TRPM3: variants seen among roughly 807,000 people sequenced by gnomAD.
TRPM3 encodes the protein transient receptor potential cation channel subfamily M member 3.
A neutral mutation model predicts 181.2 loss-of-function variants in TRPM3; 77 were observed. The ratio of observed to expected loss-of-function variants is 0.42; its 90% CI spans 0.35 to 0.51. TRPM3 has a LOEUF of 0.51. Among genes scored for constraint, TRPM3 ranks in the 20% least tolerant of loss-of-function variants. TRPM3 has a pLI of 0.01. For missense variants in TRPM3, 1,759 were observed against 2,196.7 expected (o/e 0.80, Z 3.98); for synonymous variants, 745 against 796.4 (o/e 0.94, Z 1.09).
At chr9:70,963,237 T>C (rs2097154632) in intron 1 of TRPM3, among the ~76,000 whole-genome samples, 1 of 152,240 alleles carries the variant, frequency 6.6e-6, no homozygotes, top group Non-Finnish European at 1.5e-5. Context: ...GGCAACTGGC[T>C]GGAAGCCAAG....
intron 1 of TRPM3, among the ~76,000 whole-genome samples, chr9:71,201,674 G>C (rs1398720921): frequency 6.6e-6 from 1 of 152,080 alleles, no homozygotes; most frequent in Non-Finnish European, 1.5e-5. Context: ...ATCGGCTCCT[G>C]AGGCTTCTGC....
intron 1 of TRPM3, among the ~76,000 whole-genome samples, chr9:70,875,851 G>A (rs1589454484): frequency 1.3e-5 from 2 of 152,022 alleles, no homozygotes; most frequent in East Asian, 3.9e-4. Context: ...CAATATAAGT[G>A]TAAGGTTATT....
At chr9:71,302,168 A>C (rs2086839351) in intron 1 of TRPM3, among the ~76,000 whole-genome samples, 1 of 147,008 alleles carries the variant, frequency 6.8e-6, no homozygotes, top group Non-Finnish European at 1.5e-5. Context: ...AGTTTAAAAA[A>C]TTTACACATT....
intron 1 of TRPM3, among the ~76,000 whole-genome samples, chr9:71,006,312 C>T (rs1217233223): frequency 6.6e-6 from 1 of 151,684 alleles, no homozygotes; most frequent in Non-Finnish European, 1.5e-5. Flanking sequence ...AAGCAAGCAA[C>T]AAAATGGCAG....
At chr9:70,748,975 C>T (rs1204983177) in intron 8 of TRPM3, among the ~76,000 whole-genome samples, 1 of 151,996 alleles carries the variant, frequency 6.6e-6, no homozygotes, top group African/African-American at 2.4e-5. Context: ...GCCCCAAACT[C>T]CCAGGCTTAA....
At chr9:70,572,754 A>G (rs1005264824) in intron 22 of TRPM3, among the ~76,000 whole-genome samples, 3 of 152,222 alleles carry the variant, frequency 2.0e-5, no homozygotes, top group African/African-American at 7.2e-5. Flanking sequence ...CTCACTGGTA[A>G]TGTTAACTTT....
At chr9:71,429,746 A>G (rs562465973) in intron 1 of TRPM3, among the ~76,000 whole-genome samples, 106 of 152,254 alleles carry the variant, frequency 7.0e-4, no homozygotes, top group African/African-American at 2.4e-3. Flanking sequence ...TCATAGATTG[A>G]GGGGAGCATT....
At chr9:71,432,353 A>G (rs1029288207) in intron 1 of TRPM3, among the ~76,000 whole-genome samples, 1 of 58,234 alleles carries the variant, frequency 1.7e-5, no homozygotes, top group Non-Finnish European at 3.6e-5. Context: ...TTTTTGGCTT[A>G]TCTCTGGTTC....
intron 6 of TRPM3, among the ~76,000 whole-genome samples, chr9:70,787,357 C>G (rs984024753): frequency 1.3e-5 from 2 of 152,112 alleles, no homozygotes; most frequent in Non-Finnish European, 2.9e-5. Context: ...TCCAAATTCT[C>G]TCTTATTTTT....
intron 1 of TRPM3, among the ~76,000 whole-genome samples, chr9:71,289,120 A>G (rs1017726193): frequency 6.6e-6 from 1 of 152,072 alleles, no homozygotes; most frequent in Non-Finnish European, 1.5e-5. Context: ...ACACACTTTA[A>G]CACTTAAAAA....
intron 1 of TRPM3, among the ~76,000 whole-genome samples, chr9:71,041,632 G>A (rs758765458): frequency 3.9e-5 from 6 of 152,252 alleles, no homozygotes; most frequent in East Asian, 1.9e-4. Flanking sequence ...ACTCAGGTAC[G>A]AGCCATTCAC....
Position 70,618,197 on chromosome 9 carries a change from A to G in TRPM3, c.2358+670T>C, listed in dbSNP as rs191490682. Among the ~76,000 whole-genome samples the G allele has an allele frequency of 5.2e-3, 790 of 152,284 alleles. 4 individuals are homozygous for G. The highest frequency in any genetic ancestry group is 0.023 in the South Asian group (113 of 4,824). ...TCCTATTTCCCTTAAAAACAGTAAC[A>G]TCTCTTTCACAGTCCATTCAACCTC... On this transcript the variant is annotated intron_variant, in intron 17 of 25. Transcript: ENST00000677713.
intron 6 of TRPM3, among the ~76,000 whole-genome samples, chr9:70,815,086 G>A (rs188462858): frequency 1.1e-3 from 174 of 151,740 alleles, no homozygotes; most frequent in African/African-American, 4.1e-3. Flanking sequence ...TGTCCTTTCA[G>A]GTATTTTTAT....
intron 1 of TRPM3, among the ~76,000 whole-genome samples, chr9:71,137,251 T>C (rs1032325935): frequency 1.3e-5 from 2 of 152,104 alleles, no homozygotes; most frequent in African/African-American, 4.8e-5. Context: ...TTCAAAAAAA[T>C]AAAGATTAAG....
intron 11 of TRPM3, among the ~76,000 whole-genome samples, chr9:70,635,548 G>T (rs184656546): frequency 1.6e-4 from 23 of 143,986 alleles, no homozygotes; most frequent in Non-Finnish European, 2.7e-4. Context: ...CTGCAGCCTC[G>T]AACTCTTGGG....
intron 1 of TRPM3, among the ~76,000 whole-genome samples, chr9:70,867,197 G>A (rs1333455900): frequency 6.6e-6 from 1 of 152,026 alleles, no homozygotes; most frequent in African/African-American, 2.4e-5. Flanking sequence ...AAGGATGAAG[G>A]TAGGACATTA....
chr9:71,417,986 G>A (rs1050980837), intron 1 of TRPM3, among the ~76,000 whole-genome samples: 2 of 151,888 alleles, frequency 1.3e-5, no homozygotes, highest in African/African-American at 4.8e-5. Flanking sequence ...TTTCTTTGGT[G>A]AGAAGGACAT....
chr9:71,291,615 C>T (rs186395280), intron 1 of TRPM3, among the ~76,000 whole-genome samples: 5 of 152,140 alleles, frequency 3.3e-5, no homozygotes, highest in South Asian at 4.2e-4. Context: ...AAGTCATTAC[C>T]TATTGATAAG....
intron 20 of TRPM3, 119 bp downstream of exon 20, chr9:70,603,223 A>T: frequency 1.6e-6 from 2 of 1,233,514 alleles, no homozygotes. Context: ...GCTGTGGTAG[A>T]GTTAGAGAAA....
Sources: allele counts gnomAD v4.1 joint callset (sites outside exome capture counted in the v4.1 genomes callset), GRCh38; gene constraint gnomAD v4.1.1; transcripts MANE v1.5; gene names NCBI Gene and HGNC (gene_info 2026-07-23, HGNC 2026-07-21).